Variants in SLK observed in about 807,000 individuals in gnomAD.
The protein encoded by SLK is STE20-like serine/threonine-protein kinase.
SLK carries 67 observed loss-of-function variants against 147.7 expected under a neutral mutation model. The ratio of observed to expected loss-of-function variants is 0.45; its 90% confidence interval spans 0.37 to 0.56. The LOEUF (loss-of-function observed/expected upper bound fraction) is 0.56. Among genes scored for constraint, SLK ranks in the 20% least tolerant of loss-of-function variants. SLK has a pLI of 0.00. For missense variants in SLK, 1,136 were observed against 1,438.8 expected (o/e 0.79, Z 3.41); for synonymous variants, 441 against 475.0 (o/e 0.93, Z 0.93).
At position 104,025,716 on chromosome 10, in the gene SLK, C is replaced by T; in HGVS notation, c.3704C>T (p.Ser1235Leu). 1 of 1,613,976 alleles carries T rather than the reference C, an allele frequency of 6.2e-7. No homozygotes were observed. Among genetic ancestry groups the T allele is most frequent in the Non-Finnish European group, 8.5e-7 (1 of 1,179,888 alleles). Residue 1235 changes from serine to leucine, a missense_variant, in exon 19 of 19, where the codon TCA becomes TTA. Coordinates refer to ENST00000369755, the MANE Select transcript of SLK (RefSeq NM_014720.4). ...YPIPSLHSTG[S>L] ...ATTCCCAGCTTGCATTCCACCGGAT[C>T]ATAACAAAGGGAAGCATTCTGTGCG... is the stretch of plus-strand genomic sequence containing the variant.
Position 104,003,050 on chromosome 10 carries a change from A to G in SLK, c.1872A>G (p.Ser624=), listed in dbSNP as rs775950483. 2 of 1,614,034 alleles carry G rather than the reference A, an allele frequency of 1.2e-6. No homozygotes were observed. The highest frequency in any genetic ancestry group is 1.7e-6 in the Non-Finnish European group (2 of 1,179,908). ...ATAAGGAACAAGCAATAAACAGTTC[A>G]GAGAACATAATGGACATCAATGAGG... ...GKNKEQAINS[S]ENIMDINEEP... Residue 624 remains serine (S), a synonymous_variant, in exon 9 of 19, where the codon TCA becomes TCG. Transcript: ENST00000369755.
At chr10:103,972,988 G>A (rs1843814550) in intron 1 of SLK, among the ~76,000 whole-genome samples, 1 of 152,110 alleles carries the variant, frequency 6.6e-6, no homozygotes, top group East Asian at 1.9e-4. Flanking sequence ...TCTGAGACCT[G>A]TCTTTTCATT....
At chr10:103,987,076 A>G (rs2134463486) in intron 1 of SLK, among the ~76,000 whole-genome samples, 1 of 152,286 alleles carries the variant, frequency 6.6e-6, no homozygotes, top group East Asian at 1.9e-4. Flanking sequence ...AGTGTCACAC[A>G]CTTGTAAATA....
chr10:104,003,552 G>T, intron 9 of SLK, 25 bp downstream of exon 9: 1 of 1,508,042 alleles, frequency 6.6e-7, no homozygotes, highest in South Asian at 1.4e-5. Context: ...GTCATTGTTT[G>T]GGTTTTCCTT....
chr10:103,977,239 T>G, intron 1 of SLK, among the ~76,000 whole-genome samples: 1 of 152,280 alleles, frequency 6.6e-6, no homozygotes, highest in Non-Finnish European at 1.5e-5. Flanking sequence ...AATTAGAAAA[T>G]AAATTTATTA....
At chr10:104,019,519 A>T (rs904564111) in intron 15 of SLK, among the ~76,000 whole-genome samples, 1 of 152,052 alleles carries the variant, frequency 6.6e-6, no homozygotes, top group Non-Finnish European at 1.5e-5. Flanking sequence ...TGATCCTCCT[A>T]TGTCAGCCTC....
chr10:103,999,463 T>C, intron 6 of SLK, 150 bp downstream of exon 6: 1 of 636,538 alleles, frequency 1.6e-6, no homozygotes, highest in South Asian at 2.3e-5. Flanking sequence ...TTTGGTATAT[T>C]TCTCTTAAAG....
At chr10:103,983,407 C>T (rs1009679045) in intron 1 of SLK, among the ~76,000 whole-genome samples, 8 of 152,180 alleles carry the variant, frequency 5.3e-5, no homozygotes, top group African/African-American at 1.7e-4. Context: ...CCTTAGCTCT[C>T]CCATCTGTGT....
chr10:104,001,341 C>A, intron 7 of SLK, 103 bp from the exon 8 acceptor site: 7 of 895,618 alleles, frequency 7.8e-6, no homozygotes, highest in Non-Finnish European at 1.2e-5. Flanking sequence ...TTCCTGCCCA[C>A]ATGTTCATAT....
Position 103,990,687 on chromosome 10 carries a change from G to A in SLK, c.163G>A (p.Glu55Lys), listed in dbSNP as rs763235787. 6.4e-7 allele frequency: 1 copy of A among 1,552,836 alleles called. No homozygotes were observed. The highest frequency in any genetic ancestry group is 1.3e-5 in the South Asian group (1 of 78,322). The change falls in exon 2 of 19, where the codon GAG becomes AAG. Residue 55 changes from glutamate (E) to lysine (K), a missense_variant. By Grantham distance (56) the Glu-to-Lys change is moderately conservative. Coordinates refer to ENST00000369755, the MANE Select transcript of SLK (RefSeq NM_014720.4). ...CTTTCATTTTCAGGCCCAGAATAAA[G>A]AGACCAGTGTTTTAGCTGCTGCAAA... Reference protein sequence around the residue: ...FGKVYKAQNKETSVLAAAKVI... With the variant: ...FGKVYKAQNKKTSVLAAAKVI...
At chr10:103,989,457 G>C (rs1421369961) in intron 1 of SLK, among the ~76,000 whole-genome samples, 6 of 122,038 alleles carry the variant, frequency 4.9e-5, no homozygotes, top group African/African-American at 2.1e-4. Context: ...AGACAGTGTG[G>C]CAGTTTCTTT....
Position 104,025,789 on chromosome 10 carries a change from A to G in SLK, c.*69A>G. On this transcript the variant is annotated 3_prime_UTR_variant, in exon 19 of 19. Transcript: ENST00000369755. Reference sequence around the variant, plus strand: ...TCATTCTGTTCTCATCTTCTGCCACAGTCTCTCAGATAGCTCATGAAGACA... The same window carrying G: ...TCATTCTGTTCTCATCTTCTGCCACGGTCTCTCAGATAGCTCATGAAGACA... 2 of 1,365,116 alleles carry G rather than the reference A, an allele frequency of 1.5e-6. No homozygotes were observed. The highest frequency in any genetic ancestry group is 1.0e-6 in the Non-Finnish European group (1 of 970,054). The allele number at this position is 1,365,116 out of a possible 1,614,324, so 84.6% of individuals were successfully genotyped here.
At chr10:104,000,298 T>TA (rs1316932850) in intron 7 of SLK, among the ~76,000 whole-genome samples, 1 of 152,192 alleles carries the variant, frequency 6.6e-6, no homozygotes, top group African/African-American at 2.4e-5. Context: ...ATTGTTGACT[T>TA]AAAAAAATGT....
At chr10:103,968,361 G>C (rs1564647570) in intron 1 of SLK, among the ~76,000 whole-genome samples, 2 of 152,200 alleles carry the variant, frequency 1.3e-5, no homozygotes. Flanking sequence ...TGGGATCAAA[G>C]TGATTGCTAC....
In SLK at chr10:103,967,332, C is replaced by A. The variant is rs1843726235; in HGVS notation, c.-414C>A. ...CTTCTCGACTGCCCGCCTCCGAGGCCGCCGGCCGCTTCTCTCTCCCAGAGT... is the reference window on the plus strand; with the variant it reads ...CTTCTCGACTGCCCGCCTCCGAGGCAGCCGGCCGCTTCTCTCTCCCAGAGT... On this transcript the variant is annotated 5_prime_UTR_variant, in exon 1 of 19. Transcript: ENST00000369755. The A allele has an allele frequency of 6.7e-6, 1 of 149,520 alleles. No individual in the cohort carries two copies. The highest frequency in any genetic ancestry group is 1.9e-4 in the East Asian group (1 of 5,132). 9.3% of individuals were successfully genotyped at this position (149,520 alleles called of 1,614,324 possible). A position where few individuals can be genotyped will look rare whatever the true frequency, so the allele number is the denominator to read the frequency against.
chr10:103,991,634 A>T (rs1439679834), intron 2 of SLK, among the ~76,000 whole-genome samples: 2 of 152,034 alleles, frequency 1.3e-5, no homozygotes, highest in Admixed American at 6.6e-5. Context: ...CATCTGTAGG[A>T]TGAGTAATGA....
intron 9 of SLK, among the ~76,000 whole-genome samples, chr10:104,004,357 C>G (rs1844296468): frequency 1.3e-5 from 2 of 152,276 alleles, no homozygotes; most frequent in South Asian, 4.2e-4. Context: ...AACCACCACT[C>G]TGAAATTCAT....
chr10:104,003,607 A>G, intron 9 of SLK, 80 bp downstream of exon 9: 1 of 1,170,852 alleles, frequency 8.5e-7, no homozygotes, highest in Non-Finnish European at 1.2e-6. Context: ...GATGTCTTGA[A>G]AATAAAACAG....
At chr10:103,983,684 T>C (rs1843975961) in intron 1 of SLK, among the ~76,000 whole-genome samples, 1 of 150,058 alleles carries the variant, frequency 6.7e-6, no homozygotes, top group Non-Finnish European at 1.5e-5. Flanking sequence ...TTTTTTTTGC[T>C]CCAGCATCAG....
Sources: gnomAD v4.1 joint callset for allele counts (sites outside exome capture counted in the v4.1 genomes callset) on GRCh38, gnomAD v4.1.1 for gene constraint, MANE v1.5 for transcripts, NCBI Gene and HGNC (gene_info 2026-07-23, HGNC 2026-07-21) for gene names.